METTL15: variants seen among roughly 807,000 people sequenced by gnomAD.
METTL15 encodes 12S rRNA N(4)-cytidine methyltransferase METTL15.
METTL15 carries 34 observed loss-of-function variants against 38.3 expected under a neutral mutation model. The ratio of observed to expected loss-of-function variants is 0.89; its 90% confidence interval spans 0.68 to 1.18. METTL15 has a LOEUF of 1.18. Ranked by LOEUF, METTL15 falls within the 50% of genes most tolerant of loss-of-function variation. METTL15 has a pLI of 0.00. For missense variants in METTL15, 438 were observed against 498.4 expected (o/e 0.88, Z 1.15); for synonymous variants, 162 against 170.9 (o/e 0.95, Z 0.41).
chr11:28,466,167 C>A (rs1422923543), intron 6 of METTL15, among the ~76,000 whole-genome samples: 1 of 150,770 alleles, frequency 6.6e-6, no homozygotes, highest in Non-Finnish European at 1.5e-5. Context: ...TTGGGTCAGA[C>A]ATCTACACCT....
rs563013907 is a variant in METTL15, at chr11:28,158,640, A to G, written c.270+45036A>G. Reference sequence around the variant, plus strand: ...CTATCCTGCACACAATGCTTCTGCCAAGACTACCATCCATGGACTTACAGA... The same window carrying G: ...CTATCCTGCACACAATGCTTCTGCCGAGACTACCATCCATGGACTTACAGA... On this transcript the variant is annotated intron_variant, in intron 3 of 6. Transcript: ENST00000407364. Among the ~76,000 whole-genome samples, 6 of 152,312 alleles carry G rather than the reference A, an allele frequency of 3.9e-5. No individual in the cohort carries two copies. The South Asian group carries it at 1.2e-3, about 32-fold the overall frequency.
chr11:28,455,834 G>C (rs1482077303), intron 6 of METTL15, among the ~76,000 whole-genome samples: 1 of 152,098 alleles, frequency 6.6e-6, no homozygotes, highest in Non-Finnish European at 1.5e-5. Context: ...AGCCTCCCGA[G>C]TAGCTGGGAC....
chr11:28,259,380 G>A (rs1172075073), intron 4 of METTL15, among the ~76,000 whole-genome samples: 5 of 152,040 alleles, frequency 3.3e-5, no homozygotes, highest in Admixed American at 6.6e-5. Flanking sequence ...TAGCCGCCCC[G>A]GCCTGTGTCT....
intron 4 of METTL15, among the ~76,000 whole-genome samples, chr11:28,285,685 A>G (rs577832855): frequency 1.2e-3 from 189 of 152,248 alleles, no homozygotes; most frequent in Non-Finnish European, 1.9e-3. Flanking sequence ...TTTGCTTTCT[A>G]TAGTGTTGGC....
At chr11:28,152,633 G>A (rs539969713) in intron 3 of METTL15, among the ~76,000 whole-genome samples, 1 of 151,938 alleles carries the variant, frequency 6.6e-6, no homozygotes, top group South Asian at 2.1e-4. Context: ...TTGGTTCCAG[G>A]ATCCCCTTGG....
At chr11:28,243,564 C>T (rs1013874077) in intron 4 of METTL15, among the ~76,000 whole-genome samples, 1 of 151,898 alleles carries the variant, frequency 6.6e-6, no homozygotes, top group Non-Finnish European at 1.5e-5. Context: ...CTTTCTTTGC[C>T]AATGTTGCGG....
intron 4 of METTL15, among the ~76,000 whole-genome samples, chr11:28,356,263 C>T (rs925136160): frequency 2.0e-5 from 3 of 152,146 alleles, no homozygotes; most frequent in African/African-American, 4.8e-5. Context: ...TCACTATTTT[C>T]GGTCTCCTCC....
chr11:28,202,616 A>G (rs1281545965), intron 3 of METTL15, among the ~76,000 whole-genome samples: 1 of 152,124 alleles, frequency 6.6e-6, no homozygotes, highest in Non-Finnish European at 1.5e-5. Flanking sequence ...TCCTGAAAAA[A>G]AAATCTATAT....
intron 6 of METTL15, among the ~76,000 whole-genome samples, chr11:28,298,284 T>A (rs1365586576): frequency 6.6e-6 from 1 of 152,138 alleles, no homozygotes; most frequent in Non-Finnish European, 1.5e-5. Context: ...TATGTGTTAT[T>A]ATCTGTCTCC....
chr11:28,165,040 A>G (rs1230569735), intron 3 of METTL15, among the ~76,000 whole-genome samples: 1 of 152,080 alleles, frequency 6.6e-6, no homozygotes, highest in Non-Finnish European at 1.5e-5. Context: ...AAAAGGCTGA[A>G]TATTTTTCCA....
At chr11:28,514,178 C>A (rs1300869011) in intron 6 of METTL15, among the ~76,000 whole-genome samples, 2 of 152,156 alleles carry the variant, frequency 1.3e-5, no homozygotes, top group Non-Finnish European at 2.9e-5. Context: ...TTCTTTCATC[C>A]CCTTTGACAC....
chr11:28,286,054 A>G (rs1047064023), intron 4 of METTL15, among the ~76,000 whole-genome samples: 1 of 152,148 alleles, frequency 6.6e-6, no homozygotes, highest in Non-Finnish European at 1.5e-5. Flanking sequence ...ATATATATAT[A>G]TGATATCTTA....
chr11:28,420,994 C>T (rs1207790049), intron 5 of METTL15, among the ~76,000 whole-genome samples: 7 of 151,206 alleles, frequency 4.6e-5, no homozygotes, highest in Admixed American at 1.3e-4. Flanking sequence ...GAGAGAAGAC[C>T]CCAAAAAAGT....
At chr11:28,305,144 T>G (rs995648977) in intron 6 of METTL15, among the ~76,000 whole-genome samples, 1 of 152,172 alleles carries the variant, frequency 6.6e-6, no homozygotes, top group Non-Finnish European at 1.5e-5. Flanking sequence ...TATTTCTTAT[T>G]TTAATAAGTA....
At chr11:28,229,399 T>A (rs1853599672) in intron 4 of METTL15, among the ~76,000 whole-genome samples, 1 of 152,082 alleles carries the variant, frequency 6.6e-6, no homozygotes, top group South Asian at 2.1e-4. Flanking sequence ...CCTTTTGTTA[T>A]AGACTTTCTC....
At chr11:28,246,730 C>T (rs543861629) in intron 4 of METTL15, among the ~76,000 whole-genome samples, 64 of 152,202 alleles carry the variant, frequency 4.2e-4, no homozygotes, top group Admixed American at 3.4e-3. Flanking sequence ...TTCATGCTCA[C>T]ATCTCCTACT....
chr11:28,333,093 C>T lies in METTL15; in HGVS notation c.*2252C>T, dbSNP rs972036946. 6.6e-6 allele frequency: 1 copy of T among 151,276 alleles called. No individual in the cohort carries two copies. Among genetic ancestry groups the T allele is most frequent in the Non-Finnish European group, 1.5e-5 (1 of 67,930 alleles). 9.4% of individuals were successfully genotyped at this position (151,276 alleles called of 1,614,324 possible). On this transcript the variant is annotated 3_prime_UTR_variant, in exon 7 of 7. Transcript: ENST00000407364. ...TCTCCCTCAGAGTTCCAGTAGTTGC[C>T]AACCCTGCTAACATGGTTTTGCACA...
At chr11:28,498,614 T>C (rs1401546914) in intron 6 of METTL15, among the ~76,000 whole-genome samples, 1 of 152,222 alleles carries the variant, frequency 6.6e-6, no homozygotes, top group Non-Finnish European at 1.5e-5. Context: ...CCTTTTGCAC[T>C]GACCTGACTA....
chr11:28,387,956 T>C (rs891902057), intron 5 of METTL15, among the ~76,000 whole-genome samples: 79 of 152,216 alleles, frequency 5.2e-4, no homozygotes, highest in African/African-American at 1.7e-3. Flanking sequence ...ATTTACATGA[T>C]CATCTCAATT....
Sources: allele counts gnomAD v4.1 joint callset (sites outside exome capture counted in the v4.1 genomes callset), GRCh38; gene constraint gnomAD v4.1.1; transcripts MANE v1.5; gene names NCBI Gene and HGNC (gene_info 2026-07-23, HGNC 2026-07-21).